The following NUP188 variants were observed in gnomAD, a reference collection of about 807,000 sequenced individuals.
The protein encoded by NUP188 is nucleoporin NUP188.
Under a neutral mutation model 223.0 loss-of-function variants are expected in NUP188, and 97 were observed. That is an observed-to-expected ratio of 0.43 (90% CI 0.37 to 0.51). The LOEUF (loss-of-function observed/expected upper bound fraction) is 0.51. NUP188 is among the 20% of genes least tolerant of loss of function. The pLI, the probability that NUP188 is intolerant of heterozygous loss-of-function variation, is 0.00. For synonymous variants in NUP188, 869 were observed against 828.0 expected, an observed-to-expected ratio of 1.05 and a Z score of -0.85; for missense variants, 1,947 against 2,175.6, an observed-to-expected ratio of 0.89 and a Z score of 2.09.
At position 128,947,770 on chromosome 9, in the gene NUP188, G is replaced by A. The variant is rs370008645; in HGVS notation, c.32+19G>A. The A allele has an allele frequency of 1.2e-4, 176 of 1,418,162 alleles. 1 individual carries two copies. The highest frequency in any genetic ancestry group is 1.5e-4 in the Non-Finnish European group (167 of 1,087,212). 87.8% of individuals were successfully genotyped at this position (1,418,162 alleles called of 1,614,324 possible). A position where few individuals can be genotyped will look rare whatever the true frequency, so the allele number is the denominator to read the frequency against. On this transcript the variant is annotated intron_variant, in intron 1 of 43. Transcript: ENST00000372577. ...GTGTGAGGTGCGGAGCGGGTCGAAT[G>A]GACCGGGGTGGCTGTGAAGCGCGGT...
chr9:128,988,640 T>C (rs1178363343), intron 24 of NUP188, among the ~76,000 whole-genome samples: 1 of 151,856 alleles, frequency 6.6e-6, no homozygotes, highest in Non-Finnish European at 1.5e-5. Context: ...TTAGCATAAA[T>C]CCAAAATGTT....
At position 128,980,626 on chromosome 9, in the gene NUP188, G is replaced by T; in HGVS notation, c.1290G>T (p.Gly430=). 1 of 1,613,232 alleles carries T rather than the reference G, an allele frequency of 6.2e-7. No homozygotes were observed. Among genetic ancestry groups the T allele is most frequent in the South Asian group, 1.1e-5 (1 of 90,924 alleles). Residue 430 remains glycine (G), a synonymous_variant, in exon 14 of 44, where the codon GGG becomes GGT. Coordinates refer to ENST00000372577, the MANE Select transcript of NUP188 (RefSeq NM_015354.3). The part of the protein sequence containing the change: ...FWGTEPTSGL[G]IILDSVCGMF... ...CACAGGAGCCAACTTCTGGCCTTGGGATCATTCTGGACAGTGTGTGTGGAA... is the reference window on the plus strand; with the variant it reads ...CACAGGAGCCAACTTCTGGCCTTGGTATCATTCTGGACAGTGTGTGTGGAA...
At chr9:128,997,447 T>C (rs1842548142) in intron 30 of NUP188, among the ~76,000 whole-genome samples, 1 of 152,156 alleles carries the variant, frequency 6.6e-6, no homozygotes. Flanking sequence ...ATTCTGACCA[T>C]ATCTAAGGGT....
chr9:128,949,092 T>C (rs992155767), intron 1 of NUP188, 97 bp from the exon 2 acceptor site: 5 of 788,190 alleles, frequency 6.3e-6, no homozygotes, highest in Non-Finnish European at 8.5e-6. Context: ...ATATTGAGAT[T>C]TTTTGCTTTT....
chr9:129,005,494 C>T lies in NUP188; in HGVS notation c.4701C>T (p.His1567=). The T allele has an allele frequency of 2.5e-6, 4 of 1,606,258 alleles. No homozygotes were observed. Among genetic ancestry groups the T allele is most frequent in the Non-Finnish European group, 3.4e-6 (4 of 1,179,992 alleles). ...ILSKTLAALR[H]FTPDVCQILL... ...GCAAGACGCTGGCAGCCCTGCGCCA[C>T]TTCACCCCAGATGTCTGCCAGATTC... The change falls in exon 40 of 44, where the codon CAC becomes CAT. Residue 1567 remains histidine (H), a synonymous_variant. Coordinates refer to ENST00000372577, the MANE Select transcript of NUP188 (RefSeq NM_015354.3).
chr9:129,002,879 C>T lies in NUP188; in HGVS notation c.4200C>T (p.Ser1400=). The T allele has an allele frequency of 1.2e-6, 2 of 1,614,230 alleles. No homozygotes were observed. Among genetic ancestry groups the T allele is most frequent in the Non-Finnish European group, 1.7e-6 (2 of 1,180,044 alleles). ...CTTGGCCAGGAGTCTACCGCCTGTC[C>T]ATGTCCCTGATGGAGCAGCTGCTCA... ...APSWPGVYRL[S]MSLMEQLLKT... Residue 1400 remains serine, a synonymous_variant, in exon 37 of 44, where the codon TCC becomes TCT. Coordinates refer to ENST00000372577, the MANE Select transcript of NUP188 (RefSeq NM_015354.3).
chr9:128,948,648 C>T (rs1414597833), intron 1 of NUP188: 1 of 152,266 alleles, frequency 6.6e-6, no homozygotes, highest in Non-Finnish European at 1.5e-5. Context: ...CTTCCCACCA[C>T]CCTCCCTCAA....
At position 129,001,494 on chromosome 9, in the gene NUP188, T is replaced by C. The variant is rs567165749; in HGVS notation, c.3844-35T>C. The C allele has an allele frequency of 3.8e-6, 6 of 1,597,918 alleles. No homozygotes were observed. In the African/African-American group the frequency reaches 8.0e-5, roughly 21 times the overall value. On this transcript the variant is annotated intron_variant, in intron 34 of 43. Coordinates refer to ENST00000372577, the MANE Select transcript of NUP188 (RefSeq NM_015354.3). The stretch of plus-strand genomic sequence containing the variant: ...GTCGTCCTCTTCCTCCTCCTCTTCT[T>C]CTTCCCCCTTTTACTCATCTTTGCC...
intron 12 of NUP188, among the ~76,000 whole-genome samples, chr9:128,974,775 T>G (rs962919733): frequency 5.5e-5 from 8 of 146,324 alleles, no homozygotes; most frequent in Non-Finnish European, 9.1e-5. Context: ...CATTGTCTCT[T>G]TTTTTTTTTT....
rs763365191 is a variant in NUP188, at chr9:128,981,298, A to G, written c.1424A>G (p.Asn475Ser). 2.5e-6 allele frequency: 4 copies of G among 1,614,072 alleles called. No individual in the cohort carries two copies. The highest frequency in any genetic ancestry group is 1.3e-5 in the African/African-American group (1 of 75,046). The change falls in exon 15 of 44, where the codon AAT (asparagine) becomes AGT (serine). Residue 475 changes from asparagine to serine, a missense_variant. Physicochemically the swap from Asn to Ser is conservative, Grantham distance 46. Transcript: ENST00000372577. ...TTCTTGGATAAGATGTCTTTCTACA[A>G]TGAACTTTATAAACACAAGCCTCAT... ...YSFLDKMSFY[N>S]ELYKHKPHDV...
chr9:128,998,431 C>T, intron 31 of NUP188, 107 bp from the exon 32 acceptor site: 1 of 1,103,944 alleles, frequency 9.1e-7, no homozygotes, highest in African/African-American at 1.5e-5. Context: ...CCACTCCACT[C>T]CTGTGAGCTC....
intron 43 of NUP188, 27 bp from the exon 44 acceptor site, chr9:129,006,475 C>A: frequency 6.2e-7 from 1 of 1,611,466 alleles, no homozygotes; most frequent in African/African-American, 1.3e-5. Context: ...TGTGCTGAGC[C>A]TCACCAAGCC....
chr9:128,951,306 CA>C (rs34863865), intron 2 of NUP188, among the ~76,000 whole-genome samples: 38,460 of 86,282 alleles, frequency 0.45, 5,423 homozygotes, highest in Middle Eastern at 0.51. Flanking sequence ...GACTCCATCT[CA>C]AAAAAAAAAA....
At chr9:128,993,077 T>C in intron 25 of NUP188, 120 bp from the exon 26 acceptor site, 1 of 779,980 alleles carries the variant, frequency 1.3e-6, no homozygotes, top group Non-Finnish European at 2.2e-6. Flanking sequence ...CCCAGAGCTG[T>C]AGTCTGGATG....
At chr9:129,000,231 A>ACAGGCG (rs145694961) in intron 34 of NUP188, among the ~76,000 whole-genome samples, 46,591 of 151,850 alleles carry the variant, frequency 0.31, 8,353 homozygotes, top group Non-Finnish European at 0.39. Flanking sequence ...TGTTGGGATT[A>ACAGGCG]CAGGCGTGCC....
intron 2 of NUP188, among the ~76,000 whole-genome samples, chr9:128,949,817 CAG>C (rs1467884840): frequency 6.6e-6 from 1 of 151,526 alleles, no homozygotes; most frequent in East Asian, 1.9e-4. Context: ...TTAGTGGAGA[CAG>C]GGTTTCACCA....
rs1842335060 is a variant in NUP188, at chr9:128,986,500, G to A, written c.2077-58G>A. 1.6e-5 allele frequency: 25 copies of A among 1,565,184 alleles called. No individual in the cohort carries two copies. In the South Asian group the frequency reaches 2.8e-4, roughly 18 times the overall value. Reference sequence around the variant, plus strand: ...TATGGTTTTGGAATTAAATCTCTAGGTAACTAAATGACTTTTCCTTAAATG... The same window carrying A: ...TATGGTTTTGGAATTAAATCTCTAGATAACTAAATGACTTTTCCTTAAATG... On this transcript the variant is annotated intron_variant, in intron 20 of 43. Transcript: ENST00000372577.
intron 3 of NUP188, among the ~76,000 whole-genome samples, chr9:128,954,494 C>T (rs985005652): frequency 2.6e-5 from 4 of 151,150 alleles, no homozygotes; most frequent in African/African-American, 7.3e-5. Flanking sequence ...ACGCCATTCT[C>T]CTGCCTCAGC....
At chr9:128,999,056 T>C (rs1842587300) in intron 32 of NUP188, 116 bp from the exon 33 acceptor site, 2 of 750,122 alleles carry the variant, frequency 2.7e-6, no homozygotes, top group Middle Eastern at 7.6e-4. Flanking sequence ...TTTCACCATG[T>C]TGGCCAGGCT....
Sources: gnomAD v4.1 joint callset for allele counts (sites outside exome capture counted in the v4.1 genomes callset) on GRCh38, gnomAD v4.1.1 for gene constraint, MANE v1.5 for transcripts, NCBI Gene and HGNC (gene_info 2026-07-23, HGNC 2026-07-21) for gene names.